PCDHA8: variants seen among roughly 807,000 people sequenced by gnomAD.
PCDHA8 encodes the protein protocadherin alpha-8.
PCDHA8 carries 53 observed loss-of-function variants against 61.8 expected under a neutral mutation model. That is an observed-to-expected ratio of 0.86 (90% CI 0.69 to 1.08). PCDHA8 has a LOEUF of 1.08. PCDHA8 is among the 50% of genes least tolerant of loss of function. The pLI, the probability that PCDHA8 is intolerant of heterozygous loss-of-function variation, is 0.00. For synonymous variants in PCDHA8, 618 were observed against 556.6 expected (o/e 1.11, Z -1.55); for missense variants, 1,293 against 1,245.0 (o/e 1.04, Z -0.58).
intron 1 of PCDHA8, among the ~76,000 whole-genome samples, chr5:140,891,848 C>T (rs2063280221): frequency 6.6e-6 from 1 of 152,158 alleles, no homozygotes; most frequent in East Asian, 1.9e-4. Flanking sequence ...ATGGAAGGAG[C>T]CTGTCCCTCT....
At position 140,846,059 on chromosome 5, in the gene PCDHA8, G is replaced by A. The variant is rs1780185610; in HGVS notation, c.2394+2344G>A. ...AGTCAAGTTAACACCACCTATGTGG[G>A]AAAACAGTTTTTTGGAAAGGTTAAA... On this transcript the variant is annotated intron_variant, in intron 1 of 3. Coordinates refer to ENST00000531613, the MANE Select transcript of PCDHA8 (RefSeq NM_018911.3). 2.0e-5 allele frequency among the ~76,000 whole-genome samples: 3 copies of A among 149,674 alleles called. No individual in the cohort carries two copies. The South Asian group carries it at 6.3e-4, about 32-fold the overall frequency.
Position 140,843,224 on chromosome 5 carries a change from C to A in PCDHA8, c.1903C>A (p.Arg635Ser). ...GLYTGEISTT[R>S]VLDEADSPRH... ...GTACACGGGCGAGATCAGCACCACT[C>A]GTGTCCTGGACGAAGCGGACTCTCC... The change falls in exon 1 of 4, where the codon CGT becomes AGT. Residue 635 changes from arginine (R) to serine (S), a missense_variant. Coordinates refer to ENST00000531613, the MANE Select transcript of PCDHA8 (RefSeq NM_018911.3). The A allele has an allele frequency of 6.3e-7, 1 of 1,596,086 alleles. No homozygotes were observed. Among genetic ancestry groups the A allele is most frequent in the Non-Finnish European group, 8.6e-7 (1 of 1,165,606 alleles).
chr5:140,851,523 C>T lies in PCDHA8; in HGVS notation c.2394+7808C>T, dbSNP rs1562479634. The T allele has an allele frequency of 1.1e-5, 10 of 902,364 alleles. 2 individuals are homozygous for T. The highest frequency in any genetic ancestry group is 1.4e-5 in the Non-Finnish European group (10 of 740,586). 55.9% of individuals were successfully genotyped at this position (902,364 alleles called of 1,614,324 possible). A position where few individuals can be genotyped will look rare whatever the true frequency, so the allele number is the denominator to read the frequency against. On this transcript the variant is annotated intron_variant, in intron 1 of 3. Coordinates refer to ENST00000531613, the MANE Select transcript of PCDHA8 (RefSeq NM_018911.3). The stretch of plus-strand genomic sequence containing the variant: ...CTTATATAAAATATGTTTTAAAATG[C>T]CTGACAATGTAGATAATTCAAGAAA...
At chr5:140,968,683 A>G (rs782664501) in intron 1 of PCDHA8, 7 of 1,614,164 alleles carry the variant, frequency 4.3e-6, no homozygotes. Flanking sequence ...AGCTGCACAC[A>G]GGAGAAATTA....
chr5:140,869,610 C>T (rs782688712), intron 1 of PCDHA8: 1 of 1,613,928 alleles, frequency 6.2e-7, no homozygotes, highest in South Asian at 1.1e-5. Flanking sequence ...CTCTATTGAC[C>T]TACAGGCTAA....
intron 1 of PCDHA8, chr5:140,876,827 C>T (rs1554168978): frequency 6.2e-7 from 1 of 1,614,182 alleles, no homozygotes; most frequent in Admixed American, 1.7e-5. Context: ...AACGACAATG[C>T]GCCTGCGTTC....
chr5:140,882,897 T>A, intron 1 of PCDHA8: 1 of 1,614,220 alleles, frequency 6.2e-7, no homozygotes, highest in South Asian at 1.1e-5. Context: ...GAACATAGTT[T>A]ATTACTGACA....
At chr5:140,915,694 G>A (rs2077262169) in intron 1 of PCDHA8, among the ~76,000 whole-genome samples, 1 of 151,538 alleles carries the variant, frequency 6.6e-6, no homozygotes, top group African/African-American at 2.4e-5. Flanking sequence ...GTATGGTGAT[G>A]CAAGCACTCC....
In PCDHA8 at chr5:140,869,244, C is replaced by G. The variant is rs782454826; in HGVS notation, c.2394+25529C>G. 5.6e-6 allele frequency: 9 copies of G among 1,613,658 alleles called. 1 individual carries two copies. In the South Asian group the frequency reaches 7.7e-5, roughly 14 times the overall value. ...CCAAACACGGCACCTTCGTGGGCCG[C>G]ATCGCGCAGGACCTGGGGCTGGAGC... On this transcript the variant is annotated intron_variant, in intron 1 of 3. Coordinates refer to ENST00000531613, the MANE Select transcript of PCDHA8 (RefSeq NM_018911.3).
At chr5:140,887,348 G>C (rs997332881) in intron 1 of PCDHA8, among the ~76,000 whole-genome samples, 1 of 151,978 alleles carries the variant, frequency 6.6e-6, no homozygotes, top group Non-Finnish European at 1.5e-5. Flanking sequence ...CACCTGGCTC[G>C]GCCTCCCAAA....
At chr5:140,851,276 T>C in intron 1 of PCDHA8, 3 of 1,056,768 alleles carry the variant, frequency 2.8e-6, no homozygotes, top group Non-Finnish European at 3.5e-6. Context: ...TTGTATTGTT[T>C]ATAAGAAACC....
chr5:141,000,389 CTCTCTCTATATATA>C (rs1429861640), intron 3 of PCDHA8, among the ~76,000 whole-genome samples: 15 of 62,586 alleles, frequency 2.4e-4, no homozygotes, highest in African/African-American at 9.8e-4. Flanking sequence ...CTCTCTCTCT[CTCTCTCTATATATA>C]TATATATATA....
intron 1 of PCDHA8, chr5:140,967,316 A>G (rs368129984): frequency 4.3e-6 from 7 of 1,610,310 alleles, no homozygotes; most frequent in African/African-American, 4.0e-5. Context: ...CTCAGTACAG[A>G]CCTACGAGCT....
At chr5:140,846,754 A>G (rs1430636894) in intron 1 of PCDHA8, among the ~76,000 whole-genome samples, 1 of 149,442 alleles carries the variant, frequency 6.7e-6, no homozygotes, top group Non-Finnish European at 1.5e-5. Context: ...ACAGATCTCT[A>G]ACAGCATATC....
intron 1 of PCDHA8, among the ~76,000 whole-genome samples, chr5:140,892,396 T>G (rs1263522999): frequency 1.3e-5 from 2 of 152,212 alleles, no homozygotes; most frequent in Non-Finnish European, 2.9e-5. Context: ...TCTTAATCTA[T>G]TTCAAGCTTC....
intron 1 of PCDHA8, among the ~76,000 whole-genome samples, chr5:140,894,790 T>C (rs943284227): frequency 6.6e-6 from 1 of 152,164 alleles, no homozygotes. Flanking sequence ...ATTTGTCCTC[T>C]CCTTTAAAAA....
Position 140,842,099 on chromosome 5 carries a change from A to G in PCDHA8, c.778A>G (p.Thr260Ala), listed in dbSNP as rs1554138785. 1 of 1,613,876 alleles carries G rather than the reference A, an allele frequency of 6.2e-7. No individual in the cohort carries two copies. Among genetic ancestry groups the G allele is most frequent in the Non-Finnish European group, 8.5e-7 (1 of 1,179,842 alleles). Residue 260 changes from threonine (T) to alanine (A), a missense_variant, in exon 1 of 4, where the codon ACA (threonine) becomes GCA (alanine). By Grantham distance (58) the Thr-to-Ala change is moderately conservative. Transcript: ENST00000531613. ...ATTCGAAAACGCAGACAACGGAACA[A>G]CAGTTATCAAACTGAATGCTTCTGA... ...RIFENADNGT[T>A]VIKLNASDPD... is the part of the protein sequence containing the mutation.
chr5:140,863,388 C>A (rs2047990567), intron 1 of PCDHA8: 2 of 1,000,024 alleles, frequency 2.0e-6, no homozygotes, highest in African/African-American at 1.6e-5. Context: ...AGAGCTCGTG[C>A]ATGCCGGGCA....
rs1563650230 is a variant in PCDHA8, at chr5:141,000,393, C to CTA, written c.2543-9233_2543-9232insAT. Among the ~76,000 whole-genome samples, 150 of 52,842 alleles carry CTA rather than the reference C, an allele frequency of 2.8e-3. 1 individual carries two copies. The highest frequency in any genetic ancestry group is 4.0e-3 in the Non-Finnish European group (125 of 31,360). 34.7% of individuals were successfully genotyped at this position (52,842 alleles called of 152,430 possible). A position where few individuals can be genotyped will look rare whatever the true frequency, so the allele number is the denominator to read the frequency against. On this transcript the variant is annotated intron_variant, in intron 3 of 3. Coordinates refer to ENST00000531613, the MANE Select transcript of PCDHA8 (RefSeq NM_018911.3). ...TCTCTCTCTCTCTCTCTCTCTCTCT[C>CTA]TCTATATATATATATATATATATAT... is the stretch of plus-strand genomic sequence containing the variant.
Sources: allele counts gnomAD v4.1 joint callset (sites outside exome capture counted in the v4.1 genomes callset), GRCh38; gene constraint gnomAD v4.1.1; transcripts MANE v1.5; gene names NCBI Gene and HGNC (gene_info 2026-07-23, HGNC 2026-07-21).